The following TRHDE variants were observed in gnomAD, a reference collection of about 807,000 sequenced individuals.
TRHDE encodes thyrotropin-releasing hormone-degrading ectoenzyme.
TRHDE carries 72 observed loss-of-function variants against 125.7 expected under a neutral mutation model. The ratio of observed to expected loss-of-function variants is 0.57; its 90% confidence interval spans 0.47 to 0.70. The LOEUF (loss-of-function observed/expected upper bound fraction) is 0.70, where lower values mean the gene tolerates loss of function less well. TRHDE is among the 30% of genes least tolerant of loss of function. The pLI, the probability that TRHDE is intolerant of heterozygous loss-of-function variation, is 0.00. For synonymous variants in TRHDE, 509 were observed against 509.1 expected (o/e 1.00, Z 0.00); for missense variants, 1,110 against 1,327.1 (o/e 0.84, Z 2.54).
chr12:72,265,907 C>T (rs1565676639), intron 2 of TRHDE, among the ~76,000 whole-genome samples: 1 of 151,800 alleles, frequency 6.6e-6, no homozygotes, highest in Non-Finnish European at 1.5e-5. Context: ...AGCGATATGA[C>T]CTCAATACTA....
intron 2 of TRHDE, among the ~76,000 whole-genome samples, chr12:72,134,525 C>A (rs1489013950): frequency 6.6e-6 from 1 of 152,088 alleles, no homozygotes; most frequent in African/African-American, 2.4e-5. Flanking sequence ...GGGGCCCTAG[C>A]AATGCATTGC....
At chr12:72,096,134 T>TGCACACAC (rs1555218843) in intron 1 of TRHDE, among the ~76,000 whole-genome samples, 1 of 145,100 alleles carries the variant, frequency 6.9e-6, no homozygotes, top group Non-Finnish European at 1.5e-5. Context: ...CTTATGTGTA[T>TGCACACAC]ACACACACAC....
intron 15 of TRHDE, among the ~76,000 whole-genome samples, chr12:72,625,481 A>G (rs543919212): frequency 2.0e-5 from 3 of 152,002 alleles, no homozygotes; most frequent in Admixed American, 6.6e-5. Context: ...AGTCAATTCT[A>G]TAATAAAAAT....
chr12:72,533,723 G>GTTTTTTTTTTTTTTTTTTT, intron 6 of TRHDE, among the ~76,000 whole-genome samples: 3 of 97,894 alleles, frequency 3.1e-5, no homozygotes, highest in Non-Finnish European at 6.9e-5. Flanking sequence ...TTTTCTATTT[G>GTTTTTTTTTTTTTTTTTTT]TTTTTTTTTT....
intron 2 of TRHDE, chr12:72,257,368 T>C (rs1365692585): frequency 6.6e-6 from 1 of 152,176 alleles, no homozygotes; most frequent in East Asian, 1.9e-4. Context: ...CAGGCTATGG[T>C]GTTTAAAGGG....
At chr12:72,404,006 A>G (rs1482442230) in intron 3 of TRHDE, among the ~76,000 whole-genome samples, 1 of 152,174 alleles carries the variant, frequency 6.6e-6, no homozygotes, top group African/African-American at 2.4e-5. Flanking sequence ...AATGCACACA[A>G]GCACATCTTT....
chr12:72,489,735 C>A (rs775680067), intron 5 of TRHDE, among the ~76,000 whole-genome samples: 1 of 151,538 alleles, frequency 6.6e-6, no homozygotes, highest in Non-Finnish European at 1.5e-5. Flanking sequence ...CAAGAAGACA[C>A]GATGAGAAAA....
intron 3 of TRHDE, among the ~76,000 whole-genome samples, chr12:72,379,813 T>C (rs1872062711): frequency 6.6e-6 from 1 of 152,228 alleles, no homozygotes; most frequent in African/African-American, 2.4e-5. Flanking sequence ...ATTGAATGAC[T>C]TGACTTATCC....
intron 7 of TRHDE, among the ~76,000 whole-genome samples, chr12:72,548,310 A>T (rs1869519760): frequency 6.6e-6 from 1 of 151,786 alleles, no homozygotes; most frequent in Admixed American, 6.6e-5. Context: ...TAAATATTTT[A>T]TCTAAATTCC....
At chr12:72,131,099 T>A (rs758349737) in intron 2 of TRHDE, among the ~76,000 whole-genome samples, 10 of 138,518 alleles carry the variant, frequency 7.2e-5, no homozygotes, top group Non-Finnish European at 1.1e-4. Flanking sequence ...TGAGACAGAG[T>A]CTTCCTCTGT....
chr12:72,087,733 C>A (rs372856162), intron 1 of TRHDE, among the ~76,000 whole-genome samples: 1 of 152,074 alleles, frequency 6.6e-6, no homozygotes, highest in East Asian at 1.9e-4. Context: ...CTTGGAACAA[C>A]TGCTCAGGGA....
At chr12:72,457,509 C>T (rs953911549) in intron 3 of TRHDE, among the ~76,000 whole-genome samples, 10 of 152,088 alleles carry the variant, frequency 6.6e-5, no homozygotes, top group Admixed American at 1.3e-4. Context: ...AGTAATACTA[C>T]GCACTGCAAT....
intron 12 of TRHDE, among the ~76,000 whole-genome samples, chr12:72,613,083 T>G (rs1270860919): frequency 1.3e-5 from 2 of 152,178 alleles, no homozygotes; most frequent in Non-Finnish European, 2.9e-5. Flanking sequence ...ATCATGTCGT[T>G]TACCCTTGCC....
intron 3 of TRHDE, among the ~76,000 whole-genome samples, chr12:72,412,637 T>C (rs550644690): frequency 2.0e-5 from 3 of 152,030 alleles, no homozygotes; most frequent in Non-Finnish European, 2.9e-5. Context: ...CTGTTTATAA[T>C]AGCCAAACAC....
intron 1 of TRHDE, among the ~76,000 whole-genome samples, chr12:72,276,006 A>C (rs1879475354): frequency 6.6e-6 from 1 of 151,976 alleles, no homozygotes; most frequent in Non-Finnish European, 1.5e-5. Flanking sequence ...AGTAAATCTT[A>C]TAATTTCTTG....
At chr12:72,290,131 A>T (rs1265011327) in intron 2 of TRHDE, among the ~76,000 whole-genome samples, 1 of 152,190 alleles carries the variant, frequency 6.6e-6, no homozygotes, top group Non-Finnish European at 1.5e-5. Flanking sequence ...CAGTCTAGGG[A>T]TGTGCTTCAT....
chr12:72,369,506 T>C (rs1458203631), intron 2 of TRHDE, among the ~76,000 whole-genome samples: 1 of 152,184 alleles, frequency 6.6e-6, no homozygotes, highest in Non-Finnish European at 1.5e-5. Context: ...AACCTTTTCA[T>C]TATTTTCTCT....
chr12:72,463,155 G>C (rs942157669), intron 3 of TRHDE, among the ~76,000 whole-genome samples: 1 of 152,174 alleles, frequency 6.6e-6, no homozygotes, highest in Non-Finnish European at 1.5e-5. Flanking sequence ...GACTACACTA[G>C]GGGCTCAGCA....
chr12:72,333,863 T>TA (rs2135722524), intron 2 of TRHDE, among the ~76,000 whole-genome samples: 1 of 152,314 alleles, frequency 6.6e-6, no homozygotes, highest in South Asian at 2.1e-4. Context: ...CATAGTTTTT[T>TA]AAAAAAGCAT....
Sources: gnomAD v4.1 joint callset for allele counts (sites outside exome capture counted in the v4.1 genomes callset) on GRCh38, gnomAD v4.1.1 for gene constraint, MANE v1.5 for transcripts, NCBI Gene and HGNC (gene_info 2026-07-23, HGNC 2026-07-21) for gene names.